MAST2: variants seen among roughly 807,000 people sequenced by gnomAD.
MAST2 encodes the protein microtubule associated serine/threonine kinase 2.
MAST2 carries 70 observed loss-of-function variants against 147.4 expected under a neutral mutation model. The observed-to-expected ratio is 0.47, with a 90% CI of 0.39 to 0.58. MAST2 has a LOEUF of 0.58. Ranked by LOEUF, MAST2 falls within the 20% of genes least tolerant of loss-of-function variation. MAST2 has a pLI of 0.00. For missense variants in MAST2, 2,080 were observed against 2,302.3 expected, an observed-to-expected ratio of 0.90 and a Z score of 1.98; for synonymous variants, 869 against 896.8, an observed-to-expected ratio of 0.97 and a Z score of 0.55.
intron 1 of MAST2, among the ~76,000 whole-genome samples, chr1:45,811,166 CTT>C (rs375439362): frequency 3.0e-4 from 39 of 127,884 alleles, no homozygotes; most frequent in Admixed American, 6.3e-4. Context: ...CAGTATATTT[CTT>C]TTTTTTTTTT....
At chr1:45,814,779 C>T (rs1236950751) in intron 1 of MAST2, among the ~76,000 whole-genome samples, 1 of 152,196 alleles carries the variant, frequency 6.6e-6, no homozygotes, top group Non-Finnish European at 1.5e-5. Flanking sequence ...AAGAGCGAAA[C>T]TCTATCTCAA....
At chr1:45,913,678 G>A (rs998499272) in intron 4 of MAST2, 2 of 1,025,654 alleles carry the variant, frequency 1.9e-6, no homozygotes, top group Admixed American at 1.2e-4. Flanking sequence ...GTGTTCTGAA[G>A]ATCATGTTTT....
chr1:45,875,463 T>C (rs1335200197), intron 3 of MAST2, among the ~76,000 whole-genome samples: 2 of 151,992 alleles, frequency 1.3e-5, no homozygotes, highest in African/African-American at 2.4e-5. Context: ...TAAAAAGTTA[T>C]TTTTGACTTC....
At chr1:45,919,791 G>GT (rs35824370) in intron 4 of MAST2, among the ~76,000 whole-genome samples, 2,141 of 140,624 alleles carry the variant, frequency 0.015, 15 homozygotes, top group African/African-American at 0.024. Context: ...TAAATTTCAT[G>GT]TTTTTTTTTT....
At chr1:45,946,009 T>A (rs1359931258) in intron 4 of MAST2, among the ~76,000 whole-genome samples, 1 of 152,216 alleles carries the variant, frequency 6.6e-6, no homozygotes, top group Non-Finnish European at 1.5e-5. Context: ...TACCAAGAGA[T>A]GTACTGCTTT....
chr1:45,959,490 A>C lies in MAST2; in HGVS notation c.592+13A>C, dbSNP rs373053689. On this transcript the variant is annotated intron_variant, in intron 5 of 28. Coordinates refer to ENST00000361297, the MANE Select transcript of MAST2 (RefSeq NM_015112.3). ...CATGGCCACACAGGTGAGTGCTTGAAGGTTAAGAAAGGTTGAATGAAAGAG... is the reference window on the plus strand; with the variant it reads ...CATGGCCACACAGGTGAGTGCTTGACGGTTAAGAAAGGTTGAATGAAAGAG... 43 of 1,607,926 alleles carry C rather than the reference A, an allele frequency of 2.7e-5. No homozygotes were observed. The highest frequency in any genetic ancestry group is 3.7e-5 in the Non-Finnish European group (43 of 1,175,850).
rs71587722 is a variant in MAST2 at position 45,888,663 on chromosome 1, C to CTTTTTTTTTTTTTTTTTTTT, written c.500+6285_500+6304dup. Reference sequence around the variant, plus strand: ...AGGCGTGAGCCACCGCGCGCGGCCTCTTTTTTTTTTTTTTTTTTTTTTTTT... The same window carrying CTTTTTTTTTTTTTTTTTTTT: ...AGGCGTGAGCCACCGCGCGCGGCCTCTTTTTTTTTTTTTTTTTTTTTTTTTTTTTTTTTTTTTTTTTTTTT... On this transcript the variant is annotated intron_variant, in intron 4 of 28. Coordinates refer to ENST00000361297, the MANE Select transcript of MAST2 (RefSeq NM_015112.3). Among the ~76,000 whole-genome samples the CTTTTTTTTTTTTTTTTTTTT allele has an allele frequency of 3.1e-4, 15 of 48,724 alleles. 3 individuals carry two copies. Among genetic ancestry groups the CTTTTTTTTTTTTTTTTTTTT allele is most frequent in the South Asian group, 7.0e-4 (1 of 1,428 alleles). 32.0% of individuals were successfully genotyped at this position (48,724 alleles called of 152,430 possible).
chr1:45,822,227 T>TGTTC (rs1298316310), intron 1 of MAST2, among the ~76,000 whole-genome samples: 1 of 152,164 alleles, frequency 6.6e-6, no homozygotes, highest in Admixed American at 6.5e-5. Context: ...TTAGTGGGTC[T>TGTTC]GTTCAATTTG....
chr1:45,924,897 G>C (rs1362862911), intron 4 of MAST2, among the ~76,000 whole-genome samples: 1 of 152,170 alleles, frequency 6.6e-6, no homozygotes, highest in East Asian at 1.9e-4. Context: ...AGAATCCAAG[G>C]AATGAGGTCA....
chr1:45,866,604 C>T (rs1646161098), intron 3 of MAST2, among the ~76,000 whole-genome samples: 1 of 152,140 alleles, frequency 6.6e-6, no homozygotes, highest in African/African-American at 2.4e-5. Flanking sequence ...CTAGTATTTG[C>T]TACCTTGTTT....
chr1:46,015,438 A>G (rs565705760), intron 10 of MAST2, among the ~76,000 whole-genome samples: 2 of 151,914 alleles, frequency 1.3e-5, no homozygotes, highest in Non-Finnish European at 2.9e-5. Context: ...CAAGACTAAT[A>G]AAGAAGAAAA....
chr1:45,831,512 C>A (rs776167886), intron 3 of MAST2, among the ~76,000 whole-genome samples: 15 of 152,010 alleles, frequency 9.9e-5, no homozygotes, highest in Non-Finnish European at 1.9e-4. Context: ...TTCCTACCTC[C>A]TTAATTTTTT....
intron 3 of MAST2, among the ~76,000 whole-genome samples, chr1:45,849,164 A>G (rs1338877032): frequency 2.0e-5 from 3 of 152,248 alleles, no homozygotes; most frequent in African/African-American, 7.2e-5. Flanking sequence ...TGCCTAAAGC[A>G]GTTTACAGAT....
chr1:45,826,608 C>A (rs1248316697), intron 2 of MAST2, among the ~76,000 whole-genome samples: 1 of 151,990 alleles, frequency 6.6e-6, no homozygotes, highest in Non-Finnish European at 1.5e-5. Flanking sequence ...CCTTGGCCTC[C>A]CAAAGAGCTG....
chr1:45,974,004 A>G (rs1557988529), intron 5 of MAST2, among the ~76,000 whole-genome samples: 1 of 152,270 alleles, frequency 6.6e-6, no homozygotes, highest in Non-Finnish European at 1.5e-5. Context: ...AATGAAATGC[A>G]AAGATGGGTA....
intron 5 of MAST2, among the ~76,000 whole-genome samples, chr1:45,971,832 C>A (rs1196903613): frequency 6.6e-6 from 1 of 152,006 alleles, no homozygotes; most frequent in Non-Finnish European, 1.5e-5. Context: ...CTTTTTCTGG[C>A]ATATATATGG....
At chr1:46,022,785 C>T (rs893595369) in intron 12 of MAST2, 125 bp from the exon 13 acceptor site, 4 of 745,752 alleles carry the variant, frequency 5.4e-6, no homozygotes, top group Non-Finnish European at 9.6e-6. Flanking sequence ...GGACTGAATT[C>T]ACATCCTAGG....
At chr1:46,005,722 G>A (rs893523040) in intron 7 of MAST2, among the ~76,000 whole-genome samples, 3 of 152,134 alleles carry the variant, frequency 2.0e-5, no homozygotes, top group African/African-American at 7.2e-5. Context: ...GCCATAGTTG[G>A]TCTGCAGGCT....
At chr1:45,933,624 G>C (rs78307889) in intron 4 of MAST2, among the ~76,000 whole-genome samples, 1 of 151,702 alleles carries the variant, frequency 6.6e-6, no homozygotes, top group Non-Finnish European at 1.5e-5. Flanking sequence ...CATGGTGGTG[G>C]GCACCTGTAA....
Sources: allele counts gnomAD v4.1 joint callset (sites outside exome capture counted in the v4.1 genomes callset), GRCh38; gene constraint gnomAD v4.1.1; transcripts MANE v1.5; gene names NCBI Gene and HGNC (gene_info 2026-07-23, HGNC 2026-07-21).